The following DMD variants were observed in gnomAD, a reference collection of about 807,000 sequenced individuals.
The protein encoded by DMD is dystrophin, also known as mutant dystrophin.
A neutral mutation model predicts 330.1 loss-of-function variants in DMD; 63 were observed. The observed-to-expected ratio is 0.19, with a 90% confidence interval of 0.16 to 0.24. The LOEUF (loss-of-function observed/expected upper bound fraction) is 0.24. DMD is among the 10% of genes least tolerant of loss of function. The pLI is 1.00. For missense variants in DMD, 3,344 were observed against 2,684.1 expected (o/e 1.25, Z -5.43); for synonymous variants, 1,223 against 959.8 (o/e 1.27, Z -5.07).
chrX:31,785,506 C>T (rs769107976), intron 50 of DMD, among the ~76,000 whole-genome samples: 4 of 111,575 alleles, frequency 3.6e-5, no homozygotes, highest in Non-Finnish European at 5.6e-5. Flanking sequence ...GCAGAATGTA[C>T]AGGTTTGCTA....
At chrX:31,728,070 T>C (rs1480356148) in intron 52 of DMD, among the ~76,000 whole-genome samples, 1 of 112,681 alleles carries the variant, frequency 8.9e-6, no homozygotes, top group Non-Finnish European at 1.9e-5. Flanking sequence ...TCGCCCAGGC[T>C]GGAGTGCAGT....
intron 57 of DMD, among the ~76,000 whole-genome samples, chrX:31,495,738 G>C (rs1409882858): frequency 9.0e-6 from 1 of 111,656 alleles, no homozygotes; most frequent in Non-Finnish European, 1.9e-5. Context: ...GAATGGTAGA[G>C]ATAGGCAATT....
intron 7 of DMD, among the ~76,000 whole-genome samples, chrX:32,707,999 T>A (rs1451917791): frequency 8.9e-6 from 1 of 112,083 alleles, no homozygotes; most frequent in Non-Finnish European, 1.9e-5. Flanking sequence ...CCTCTGCTGC[T>A]AGAAAAAGTA....
intron 48 of DMD, among the ~76,000 whole-genome samples, chrX:31,872,719 C>G (rs186545159): frequency 9.0e-6 from 1 of 111,662 alleles, no homozygotes; most frequent in African/African-American, 3.3e-5. Context: ...CGCAATATTA[C>G]GCCAGTTACT....
chrX:32,743,207 A>C (rs1470159724), intron 7 of DMD, among the ~76,000 whole-genome samples: 2 of 111,377 alleles, frequency 1.8e-5, no homozygotes, highest in African/African-American at 6.5e-5. Context: ...TAAATACCTT[A>C]GCATTCTCAT....
At chrX:31,804,242 G>A (rs141199826) in intron 50 of DMD, among the ~76,000 whole-genome samples, 240 of 111,236 alleles carry the variant, frequency 2.2e-3, no homozygotes, top group Middle Eastern at 4.6e-3. Context: ...TTTCTACCAC[G>A]GTCTACTCGG....
chrX:32,820,324 C>T (rs2078133525), intron 5 of DMD, among the ~76,000 whole-genome samples: 1 of 111,225 alleles, frequency 9.0e-6, no homozygotes, highest in Non-Finnish European at 1.9e-5. Context: ...CGCCTGTAGT[C>T]CCAGCTACTT....
chrX:32,795,584 C>T (rs2076125320), intron 7 of DMD, among the ~76,000 whole-genome samples: 1 of 111,368 alleles, frequency 9.0e-6, no homozygotes, highest in Non-Finnish European at 1.9e-5. Flanking sequence ...ACCTCAAAAG[C>T]GCAGGCAACA....
At position 32,065,824 on chromosome X, in the gene DMD, G is replaced by T. The variant is rs144593234; in HGVS notation, c.6439-97310C>A. 4.7e-3 allele frequency among the ~76,000 whole-genome samples: 525 copies of T among 111,777 alleles called. 4 individuals are homozygous for T. Among genetic ancestry groups the T allele is most frequent in the African/African-American group, 0.016 (497 of 30,920 alleles). On this transcript the variant is annotated intron_variant, in intron 44 of 78. Coordinates refer to ENST00000357033, the MANE Select transcript of DMD (RefSeq NM_004006.3). The stretch of plus-strand genomic sequence containing the variant: ...AATATTTTAATCTTGAATTAAAACA[G>T]CACAACACGTAAGTAATAGGCACAT...
At chrX:32,215,119 A>G (rs2147851273) in intron 44 of DMD, among the ~76,000 whole-genome samples, 1 of 111,767 alleles carries the variant, frequency 8.9e-6, no homozygotes, top group South Asian at 3.7e-4. Flanking sequence ...ACATGGGATT[A>G]GCCATAGATT....
At chrX:32,375,403 A>G (rs1021840946) in intron 34 of DMD, among the ~76,000 whole-genome samples, 4 of 112,265 alleles carry the variant, frequency 3.6e-5, no homozygotes, top group African/African-American at 6.5e-5. Context: ...TTTGAAACCA[A>G]TAATACTCAC....
intron 44 of DMD, among the ~76,000 whole-genome samples, chrX:32,079,893 T>C (rs1440621123): frequency 8.9e-6 from 1 of 112,055 alleles, no homozygotes; most frequent in Admixed American, 9.5e-5. Context: ...TTTGATAAAC[T>C]TTTGTTGAAT....
chrX:32,777,060 CTTT>C (rs112879482), intron 7 of DMD, among the ~76,000 whole-genome samples: 4 of 103,472 alleles, frequency 3.9e-5, no homozygotes, highest in African/African-American at 1.1e-4. Flanking sequence ...ATAAATTTGT[CTTT>C]TTTTTTTGTT....
chrX:33,008,929 T>C lies in DMD; in HGVS notation c.93+11210A>G, dbSNP rs745906898. On this transcript the variant is annotated intron_variant, in intron 2 of 78. Coordinates refer to ENST00000357033, the MANE Select transcript of DMD (RefSeq NM_004006.3). ...ATACTCATATATGTATATATACATG[T>C]ATATATACACACGTATATATACGTA... 2.0e-3 allele frequency among the ~76,000 whole-genome samples: 193 copies of C among 94,194 alleles called. 3 individuals carry two copies. The highest frequency in any genetic ancestry group is 6.8e-3 in the African/African-American group (187 of 27,327). The allele number at this position is 94,194 out of a possible 115,157, so 81.8% of individuals were successfully genotyped here. A position where few individuals can be genotyped will look rare whatever the true frequency, so the allele number is the denominator to read the frequency against.
At chrX:31,942,220 AT>A (rs1046867907) in intron 45 of DMD, among the ~76,000 whole-genome samples, 1 of 111,455 alleles carries the variant, frequency 9.0e-6, no homozygotes, top group Non-Finnish European at 1.9e-5. Context: ...AATAATAGCC[AT>A]TCTGTTCTGA....
chrX:31,838,989 T>C (rs2093261101), intron 48 of DMD, among the ~76,000 whole-genome samples: 1 of 112,016 alleles, frequency 8.9e-6, no homozygotes, highest in Non-Finnish European at 1.9e-5. Flanking sequence ...AATTTTACTT[T>C]CACCATCTGA....
At chrX:32,002,256 A>C (rs1398113943) in intron 44 of DMD, among the ~76,000 whole-genome samples, 1 of 112,128 alleles carries the variant, frequency 8.9e-6, no homozygotes, top group Admixed American at 9.5e-5. Flanking sequence ...TTATGCACTA[A>C]AGGTATGTCT....
chrX:32,968,992 C>A (rs1442112681), intron 2 of DMD, among the ~76,000 whole-genome samples: 1 of 90,165 alleles, frequency 1.1e-5, no homozygotes, highest in African/African-American at 4.2e-5. Context: ...CGTGCCACTG[C>A]CCTCCAGCCT....
intron 49 of DMD, among the ~76,000 whole-genome samples, chrX:31,824,435 G>T (rs1344712276): frequency 9.1e-6 from 1 of 110,061 alleles, no homozygotes; most frequent in Admixed American, 9.7e-5. Flanking sequence ...GGTAATTTTT[G>T]TATTTTGTAT....
Sources: gnomAD v4.1 joint callset for allele counts (sites outside exome capture counted in the v4.1 genomes callset) on GRCh38, gnomAD v4.1.1 for gene constraint, MANE v1.5 for transcripts, NCBI Gene and HGNC (gene_info 2026-07-23, HGNC 2026-07-21) for gene names.